Variants in ZCCHC14 observed in about 807,000 individuals in gnomAD.
ZCCHC14 encodes zinc finger CCHC domain-containing protein 14.
In ZCCHC14, 16 loss-of-function variants were observed where a neutral mutation model predicts 85.0. That is an observed-to-expected ratio of 0.19 (90% CI 0.13 to 0.29). The LOEUF is 0.29. ZCCHC14 is among the 10% of genes least tolerant of loss of function. The pLI, the probability that ZCCHC14 is intolerant of heterozygous loss-of-function variation, is 1.00. For synonymous variants in ZCCHC14, 775 were observed against 630.7 expected (o/e 1.23, Z -3.43); for missense variants, 1,303 against 1,443.5 (o/e 0.90, Z 1.58).
At chr16:87,440,945 A>G (rs1310193639) in intron 2 of ZCCHC14, among the ~76,000 whole-genome samples, 1 of 151,112 alleles carries the variant, frequency 6.6e-6, no homozygotes, top group Admixed American at 6.6e-5. Flanking sequence ...AAAGCATAGA[A>G]ATACTCTCTA....
intron 1 of ZCCHC14, among the ~76,000 whole-genome samples, chr16:87,488,325 G>A (rs1205903130): frequency 1.3e-5 from 2 of 152,166 alleles, no homozygotes; most frequent in African/African-American, 4.8e-5. Flanking sequence ...CCCTGGAACA[G>A]GCGACTGCAG....
At position 87,449,389 on chromosome 16, in the gene ZCCHC14, G is replaced by A. The variant is rs142697945; in HGVS notation, c.694+10619C>T. Among the ~76,000 whole-genome samples, 824 of 152,228 alleles carry A rather than the reference G, an allele frequency of 5.4e-3. 5 individuals are homozygous for A. Among genetic ancestry groups the A allele is most frequent in the Non-Finnish European group, 0.01 (689 of 68,002 alleles). On this transcript the variant is annotated intron_variant, in intron 2 of 12. Transcript: ENST00000671377. ...AGAGAGGGTGAGGGGCACAGCACAG[G>A]GGGAAGGGCACCATGGTTCCTGGGC...
At chr16:87,483,667 C>G (rs926311584) in intron 1 of ZCCHC14, among the ~76,000 whole-genome samples, 1 of 152,140 alleles carries the variant, frequency 6.6e-6, no homozygotes, top group Admixed American at 6.5e-5. Flanking sequence ...ACTGTATGGC[C>G]GCAACCAGCA....
chr16:87,461,788 G>T (rs980220576), intron 1 of ZCCHC14, among the ~76,000 whole-genome samples: 1 of 152,268 alleles, frequency 6.6e-6, no homozygotes, highest in East Asian at 1.9e-4. Flanking sequence ...AAGCCACAGG[G>T]GCCACACCCA....
chr16:87,426,955 CAGGAAGACG>C (rs1909402553), intron 3 of ZCCHC14, among the ~76,000 whole-genome samples: 1 of 152,224 alleles, frequency 6.6e-6, no homozygotes, highest in Non-Finnish European at 1.5e-5. Flanking sequence ...CAACTAAAGG[CAGGAAGACG>C]AGGCAGCCGT....
Position 87,453,817 on chromosome 16 carries a change from C to T in ZCCHC14, c.694+6191G>A, listed in dbSNP as rs574802617. On this transcript the variant is annotated intron_variant, in intron 2 of 12. Transcript: ENST00000671377. ...TGTGAGGAATACTCAAGAGAAAACG[C>T]GATGAATGGACACCAGCCCTAAGTG... 1.4e-4 allele frequency among the ~76,000 whole-genome samples: 21 copies of T among 152,272 alleles called. No homozygotes were observed. In the South Asian group the frequency reaches 3.7e-3, roughly 27 times the overall value.
At chr16:87,434,463 G>A (rs376995486) in intron 2 of ZCCHC14, among the ~76,000 whole-genome samples, 3 of 152,224 alleles carry the variant, frequency 2.0e-5, no homozygotes, top group East Asian at 1.9e-4. Context: ...ACCAGCCTTC[G>A]CTGGGTCTGG....
intron 2 of ZCCHC14, among the ~76,000 whole-genome samples, chr16:87,458,248 G>A (rs1911072076): frequency 6.6e-6 from 1 of 152,176 alleles, no homozygotes; most frequent in Non-Finnish European, 1.5e-5. Flanking sequence ...CTCCACGGCA[G>A]GCCTTTCTCC....
chr16:87,483,481 ACT>A lies in ZCCHC14; in HGVS notation c.570+8186_570+8187del, dbSNP rs1202138324. Among the ~76,000 whole-genome samples, 5 of 152,006 alleles carry A rather than the reference ACT, an allele frequency of 3.3e-5. No homozygotes were observed. The East Asian group carries it at 9.7e-4, about 29-fold the overall frequency. On this transcript the variant is annotated intron_variant, in intron 1 of 12. Coordinates refer to ENST00000671377, the MANE Select transcript of ZCCHC14 (RefSeq NM_015144.3). ...ACTCCAGCCTGGGTGACAGAGTGAGACTCTGTCTCAAATAAAGTAAAAATTAA... is the reference window on the plus strand; with the variant it reads ...ACTCCAGCCTGGGTGACAGAGTGAGACTGTCTCAAATAAAGTAAAAATTAA...
At chr16:87,435,271 A>C (rs552703052) in intron 2 of ZCCHC14, among the ~76,000 whole-genome samples, 1 of 152,344 alleles carries the variant, frequency 6.6e-6, no homozygotes, top group East Asian at 1.9e-4. Flanking sequence ...TTAAGAAGGA[A>C]TAAAATTAAA....
In ZCCHC14 at chr16:87,491,678, G is replaced by A. The variant is rs769907861; in HGVS notation, c.561C>T (p.Ala187=). The change falls in exon 1 of 13, where the codon GCC becomes GCT. Residue 187 remains alanine, a synonymous_variant. Transcript: ENST00000671377. The surrounding 1 kb of genome is among the most constrained non-coding windows in gnomAD (Gnocchi z 5.9). ...CGGGGCGGGCACGCACCTTGTGGCA[G>A]GCTGGGCAAGTGGGCAGCGCGCCGC... ...GPGGALPTCP[A]CHKITPRTEA... The A allele has an allele frequency of 5.1e-5, 73 of 1,418,018 alleles. 1 individual carries two copies. The highest frequency in any genetic ancestry group is 6.4e-5 in the Non-Finnish European group (70 of 1,092,384). The allele number at this position is 1,418,018 out of a possible 1,614,324, so 87.8% of individuals were successfully genotyped here.
chr16:87,492,158 C>A lies in ZCCHC14; in HGVS notation c.81G>T (p.Glu27Asp). 8.1e-7 allele frequency: 1 copy of A among 1,240,132 alleles called. No individual in the cohort carries two copies. The highest frequency in any genetic ancestry group is 1.0e-6 in the Non-Finnish European group (1 of 991,058). 76.8% of individuals were successfully genotyped at this position (1,240,132 alleles called of 1,614,324 possible). Residue 27 changes from glutamate to aspartate, a missense_variant, in exon 1 of 13, where the codon GAG becomes GAT. Physicochemically the swap from Glu to Asp is conservative, Grantham distance 45. This residue lies in a region of ZCCHC14 where 29 missense variants were observed against 76.8 expected (regional missense o/e 0.38). Transcript: ENST00000671377. This position sits in a 1 kb window ranked among gnomAD's most constrained non-coding sequence, Gnocchi z 6.7. The stretch of plus-strand genomic sequence containing the variant: ...ACAGGTCCAGCAGGCCGCACAGGAA[C>A]TCCACGCGCTGCGGCGACGGCAGCT... ...FSELPSPQRV[E>D]FLCGLLDLCI...
chr16:87,434,920 GGCGGAGGTT>G (rs1256633277), intron 2 of ZCCHC14, among the ~76,000 whole-genome samples: 2 of 150,742 alleles, frequency 1.3e-5, no homozygotes, highest in Non-Finnish European at 2.9e-5. Flanking sequence ...GAACCTGGGA[GGCGGAGGTT>G]GCAGTGAGCC....
chr16:87,478,214 C>A (rs998381594), intron 1 of ZCCHC14, among the ~76,000 whole-genome samples: 1 of 152,174 alleles, frequency 6.6e-6, no homozygotes, highest in African/African-American at 2.4e-5. Context: ...ACGTGTGGCA[C>A]AATGCAGTGT....
chr16:87,481,964 G>C (rs1190808160), intron 1 of ZCCHC14, among the ~76,000 whole-genome samples: 3 of 152,324 alleles, frequency 2.0e-5, no homozygotes, highest in African/African-American at 7.2e-5. Flanking sequence ...GAAGGGGAAA[G>C]GGCGAGAGAG....
Position 87,420,292 on chromosome 16 carries a change from T to A in ZCCHC14, c.950+315A>T, listed in dbSNP as rs1909025967. Among the ~76,000 whole-genome samples, 1 of 152,230 alleles carries A rather than the reference T, an allele frequency of 6.6e-6. No individual in the cohort carries two copies. The highest frequency in any genetic ancestry group is 1.5e-5 in the Non-Finnish European group (1 of 68,042). ...GAAACTGTTTAAGAGACGCCAATTT[T>A]ATCTGGGAATAGTCTCAACCTTGGA... is the stretch of plus-strand genomic sequence containing the variant. On this transcript the variant is annotated intron_variant, in intron 5 of 12. Coordinates refer to ENST00000671377, the MANE Select transcript of ZCCHC14 (RefSeq NM_015144.3). This position sits in a 1 kb window ranked among gnomAD's most constrained non-coding sequence, Gnocchi z 5.0.
chr16:87,416,649 A>C (rs532445630), intron 8 of ZCCHC14, among the ~76,000 whole-genome samples: 2 of 152,192 alleles, frequency 1.3e-5, no homozygotes, highest in African/African-American at 4.8e-5. Flanking sequence ...CCAGCTATTC[A>C]GGAGGCTGAG....
intron 2 of ZCCHC14, among the ~76,000 whole-genome samples, chr16:87,448,936 GACTC>G (rs1399226044): frequency 1.7e-4 from 26 of 152,218 alleles, no homozygotes; most frequent in African/African-American, 6.3e-4. Flanking sequence ...GTGGCCATAA[GACTC>G]ACTGCGGACA....
At chr16:87,485,837 G>A (rs1026034596) in intron 1 of ZCCHC14, among the ~76,000 whole-genome samples, 2 of 152,162 alleles carry the variant, frequency 1.3e-5, no homozygotes, top group Admixed American at 1.3e-4. Context: ...GGTAGATGAA[G>A]TTTACAGGAC....
Sources: gnomAD v4.1 joint callset for allele counts (sites outside exome capture counted in the v4.1 genomes callset) on GRCh38, gnomAD v4.1.1 for gene constraint, gnomAD v4.1.1 regional missense constraint, Gnocchi (gnomAD v3.1) non-coding constraint, MANE v1.5 for transcripts, NCBI Gene and HGNC (gene_info 2026-07-23, HGNC 2026-07-21) for gene names.